ZPBP: variants seen among roughly 807,000 people sequenced by gnomAD.
The protein encoded by ZPBP is zona pellucida binding protein.
A neutral mutation model predicts 44.8 loss-of-function variants in ZPBP; 26 were observed. The observed-to-expected ratio is 0.58, with a 90% CI of 0.43 to 0.81. The LOEUF is 0.81. ZPBP is among the 30% of genes least tolerant of loss of function. The probability of loss-of-function intolerance (pLI) is 0.00; values close to 1 mark genes in which losing one functional copy is unlikely to be tolerated. For synonymous variants in ZPBP, 174 were observed against 153.2 expected, an observed-to-expected ratio of 1.14 and a Z score of -1.00; for missense variants, 409 against 434.0, an observed-to-expected ratio of 0.94 and a Z score of 0.51.
intron 1 of ZPBP, among the ~76,000 whole-genome samples, chr7:50,090,564 T>C (rs187070542): frequency 9.9e-5 from 15 of 151,926 alleles, no homozygotes; most frequent in African/African-American, 3.6e-4. Context: ...TATATGCATA[T>C]ATATGTGTAT....
chr7:50,051,293 T>G (rs6977912), intron 4 of ZPBP, among the ~76,000 whole-genome samples: 117,040 of 152,040 alleles, frequency 0.77, 45,158 homozygotes, highest in East Asian at 0.87. Context: ...ACAGATGCTG[T>G]CGAGGTTGAG....
intron 6 of ZPBP, among the ~76,000 whole-genome samples, chr7:49,987,956 A>G (rs4917105): frequency 0.26 from 39,942 of 152,094 alleles, 6,522 homozygotes; most frequent in Non-Finnish European, 0.37. Flanking sequence ...GTAAATTTTT[A>G]CCTAGGGTTA....
At chr7:50,044,170 T>G (rs1800227647) in intron 4 of ZPBP, among the ~76,000 whole-genome samples, 1 of 152,190 alleles carries the variant, frequency 6.6e-6, no homozygotes, top group African/African-American at 2.4e-5. Context: ...AAGCAGTGTT[T>G]AGAGGGAAAT....
rs1248654756 is a variant in ZPBP, at chr7:49,989,807, C to A, written c.784-6288G>T. On this transcript the variant is annotated intron_variant, in intron 6 of 7. Coordinates refer to ENST00000046087, the MANE Select transcript of ZPBP (RefSeq NM_007009.3). ...TGAGCAATTATCCTGAAAATTCTGC[C>A]AGGTGATAGGAATAAATAGGGTGCC... 2.0e-5 allele frequency among the ~76,000 whole-genome samples: 3 copies of A among 152,078 alleles called. No homozygotes were observed. The East Asian group carries it at 5.8e-4, about 29-fold the overall frequency.
chr7:49,962,442 T>C (rs1364380863), intron 7 of ZPBP, among the ~76,000 whole-genome samples: 2 of 151,806 alleles, frequency 1.3e-5, no homozygotes, highest in Non-Finnish European at 3.0e-5. Context: ...AAATTCAACC[T>C]GATTTACGAT....
chr7:49,934,800 C>G (rs1794566800), downstream of ZPBP, among the ~76,000 whole-genome samples: 1 of 151,886 alleles, frequency 6.6e-6, no homozygotes, highest in South Asian at 2.1e-4. Flanking sequence ...GGCTCTTTTA[C>G]CATATTGCCA....
chr7:50,070,096 A>C (rs1487293497), intron 3 of ZPBP, among the ~76,000 whole-genome samples: 1 of 150,684 alleles, frequency 6.6e-6, no homozygotes, highest in Non-Finnish European at 1.5e-5. Context: ...TACACACAAC[A>C]CTCCTACCCC....
At chr7:50,060,817 C>T (rs1801202121) in intron 3 of ZPBP, among the ~76,000 whole-genome samples, 1 of 152,072 alleles carries the variant, frequency 6.6e-6, no homozygotes, top group African/African-American at 2.4e-5. Context: ...TTCTATGAGG[C>T]CAGTATCATT....
chr7:49,845,742 G>A (rs1324451257), downstream of ZPBP, among the ~76,000 whole-genome samples: 1 of 152,220 alleles, frequency 6.6e-6, no homozygotes, highest in African/African-American at 2.4e-5. Context: ...GCACTTCCCA[G>A]TACAAAACAG....
intron 3 of ZPBP, among the ~76,000 whole-genome samples, chr7:50,075,051 A>T (rs1268560615): frequency 6.6e-6 from 1 of 152,110 alleles, no homozygotes; most frequent in East Asian, 1.9e-4. Context: ...CTTTTTAAAA[A>T]CTGAAATAAT....
downstream of ZPBP, among the ~76,000 whole-genome samples, chr7:49,936,403 T>C (rs1453561723): frequency 2.0e-5 from 3 of 152,204 alleles, no homozygotes; most frequent in African/African-American, 7.2e-5. Flanking sequence ...TATTTGTACA[T>C]AGCATGGAAA....
intron 3 of ZPBP, among the ~76,000 whole-genome samples, chr7:50,070,078 C>T (rs948344540): frequency 2.6e-5 from 4 of 152,136 alleles, no homozygotes; most frequent in African/African-American, 9.7e-5. Context: ...CTCCCACATT[C>T]ACACACATAC....
At chr7:50,091,791 TA>T (rs2128859469) in intron 1 of ZPBP, among the ~76,000 whole-genome samples, 1 of 152,316 alleles carries the variant, frequency 6.6e-6, no homozygotes, top group African/African-American at 2.4e-5. Context: ...AGGGGCAGTA[TA>T]AAAATGCAAT....
chr7:49,947,678 G>A (rs1387078913), intron 7 of ZPBP, among the ~76,000 whole-genome samples: 3 of 152,194 alleles, frequency 2.0e-5, no homozygotes, highest in Non-Finnish European at 4.4e-5. Context: ...CATAGCATTG[G>A]GTTTCACCCA....
intron 7 of ZPBP, among the ~76,000 whole-genome samples, chr7:49,959,337 A>C (rs1036761041): frequency 6.6e-6 from 1 of 151,778 alleles, no homozygotes. Flanking sequence ...TATATTAAAA[A>C]GGATCTACAA....
Position 50,082,550 on chromosome 7 carries a change from A to T in ZPBP, c.209-651T>A, listed in dbSNP as rs73695163. On this transcript the variant is annotated intron_variant, in intron 2 of 7. Transcript: ENST00000046087. ...AAGTAAACTTTTAGGAAAGGTTGCAACAACCCTTTAGACTCTGCATGCCAA... is the reference window on the plus strand; with the variant it reads ...AAGTAAACTTTTAGGAAAGGTTGCATCAACCCTTTAGACTCTGCATGCCAA... Among the ~76,000 whole-genome samples the T allele has an allele frequency of 3.1e-3, 477 of 151,964 alleles. 1 individual carries two copies. Among genetic ancestry groups the T allele is most frequent in the African/African-American group, 0.011 (459 of 41,518 alleles).
At chr7:49,841,745 T>A in the ZPBP span, among the ~76,000 whole-genome samples, 1 of 152,238 alleles carries the variant, frequency 6.6e-6, no homozygotes, top group African/African-American at 2.4e-5. Context: ...TTTCTTATAA[T>A]GTGTAATAAT....
intron 7 of ZPBP, chr7:49,940,887 A>T: frequency 1.6e-6 from 1 of 638,082 alleles, no homozygotes. Flanking sequence ...ACAAAGGGGA[A>T]CATAGGTGGG....
intron 6 of ZPBP, among the ~76,000 whole-genome samples, chr7:50,007,440 C>T (rs1057371728): frequency 3.3e-5 from 5 of 152,010 alleles, no homozygotes; most frequent in South Asian, 2.1e-4. Flanking sequence ...ATGGCTTTAT[C>T]GGTAACAATG....
Sources: allele counts gnomAD v4.1 joint callset (sites outside exome capture counted in the v4.1 genomes callset), GRCh38; gene constraint gnomAD v4.1.1; transcripts MANE v1.5; gene names NCBI Gene and HGNC (gene_info 2026-07-23, HGNC 2026-07-21).